The following TMCC1 variants were observed in gnomAD, a reference collection of about 807,000 sequenced individuals.
TMCC1 encodes the protein transmembrane and coiled-coil domains protein 1.
TMCC1 carries 15 observed loss-of-function variants against 52.4 expected under a neutral mutation model. That is an observed-to-expected ratio of 0.29 (90% CI 0.19 to 0.44). The LOEUF (loss-of-function observed/expected upper bound fraction) is 0.44. TMCC1 is among the 20% of genes least tolerant of loss of function. The pLI is 1.00. For synonymous variants in TMCC1, 279 were observed against 301.9 expected, an observed-to-expected ratio of 0.92 and a Z score of 0.79; for missense variants, 503 against 806.0, an observed-to-expected ratio of 0.62 and a Z score of 4.55.
chr3:129,697,325 G>A (rs1378374297), intron 4 of TMCC1, among the ~76,000 whole-genome samples: 2 of 152,192 alleles, frequency 1.3e-5, no homozygotes, highest in African/African-American at 4.8e-5. Flanking sequence ...CCAAAGCCAT[G>A]GCCTGAACTG....
intron 4 of TMCC1, among the ~76,000 whole-genome samples, chr3:129,711,308 C>G (rs1460752608): frequency 1.3e-5 from 2 of 152,160 alleles, no homozygotes; most frequent in African/African-American, 4.8e-5. Context: ...TTGACAGATA[C>G]AGTCTATGTG....
intron 4 of TMCC1, among the ~76,000 whole-genome samples, chr3:129,681,027 T>C (rs1444483786): frequency 6.6e-6 from 1 of 152,120 alleles, no homozygotes; most frequent in African/African-American, 2.4e-5. Context: ...ATAGGAGATA[T>C]GATGATGGTA....
At chr3:129,760,301 C>A (rs530250568) in intron 4 of TMCC1, among the ~76,000 whole-genome samples, 1 of 152,310 alleles carries the variant, frequency 6.6e-6, no homozygotes, top group African/African-American at 2.4e-5. Flanking sequence ...CCTCGAGCTT[C>A]TGGGCTCAAG....
chr3:129,781,969 T>C (rs532239259), intron 4 of TMCC1, among the ~76,000 whole-genome samples: 1 of 152,212 alleles, frequency 6.6e-6, no homozygotes, highest in East Asian at 1.9e-4. Flanking sequence ...GAAAGAGGCA[T>C]CGCAGATAAC....
chr3:129,761,990 C>CAAAAAAAAA (rs1179793010), intron 4 of TMCC1, among the ~76,000 whole-genome samples: 23 of 76,024 alleles, frequency 3.0e-4, no homozygotes, highest in African/African-American at 1.2e-3. Context: ...GACTCTGTCT[C>CAAAAAAAAA]AAAAAAAAAA....
intron 4 of TMCC1, among the ~76,000 whole-genome samples, chr3:129,717,027 T>C (rs761971174): frequency 1.3e-5 from 2 of 152,350 alleles, no homozygotes. Context: ...AATTTTCCCC[T>C]TCAGCATGTA....
intron 4 of TMCC1, among the ~76,000 whole-genome samples, chr3:129,808,684 A>T (rs2057609808): frequency 6.6e-6 from 1 of 151,480 alleles, no homozygotes; most frequent in Non-Finnish European, 1.5e-5. Flanking sequence ...ATATATTTAC[A>T]TTGGCATAAT....
At chr3:129,672,082 G>A (rs753874926) in intron 4 of TMCC1, among the ~76,000 whole-genome samples, 1 of 152,206 alleles carries the variant, frequency 6.6e-6, no homozygotes, top group South Asian at 2.1e-4. Context: ...TCCAAAGCAC[G>A]TATACTTAAT....
At chr3:129,732,480 G>GA (rs1478913541) in intron 4 of TMCC1, among the ~76,000 whole-genome samples, 1 of 152,126 alleles carries the variant, frequency 6.6e-6, no homozygotes, top group African/African-American at 2.4e-5. Flanking sequence ...TCTGCATGCA[G>GA]ACTGCATGAA....
chr3:129,785,990 A>G (rs1392091980), intron 4 of TMCC1, among the ~76,000 whole-genome samples: 1 of 137,566 alleles, frequency 7.3e-6, no homozygotes, highest in African/African-American at 2.8e-5. Flanking sequence ...GATGGAGTAT[A>G]GTGGCGCGAT....
chr3:129,890,314 G>A (rs12494774), intron 1 of TMCC1, among the ~76,000 whole-genome samples: 12,412 of 152,246 alleles, frequency 0.082, 676 homozygotes, highest in East Asian at 0.17. Context: ...GAGAGTGACA[G>A]CTGTTCAGTG....
At chr3:129,830,375 T>C (rs62265587) in intron 3 of TMCC1, among the ~76,000 whole-genome samples, 12,773 of 152,232 alleles carry the variant, frequency 0.084, 728 homozygotes, top group East Asian at 0.2. Flanking sequence ...TAATACAATG[T>C]TACTCTGATT....
At chr3:129,680,428 T>A (rs2088867231) in intron 4 of TMCC1, among the ~76,000 whole-genome samples, 1 of 152,120 alleles carries the variant, frequency 6.6e-6, no homozygotes, top group Admixed American at 6.5e-5. Flanking sequence ...GCCGAAGAAA[T>A]TGAATCAGGA....
intron 4 of TMCC1, among the ~76,000 whole-genome samples, chr3:129,673,689 G>C (rs2088155653): frequency 6.6e-6 from 1 of 152,068 alleles, no homozygotes; most frequent in Non-Finnish European, 1.5e-5. Flanking sequence ...CATCTCTACA[G>C]AAAAATTAAA....
chr3:129,736,524 C>CTTTTT (rs758923804), intron 4 of TMCC1, among the ~76,000 whole-genome samples: 6 of 139,362 alleles, frequency 4.3e-5, no homozygotes, highest in Non-Finnish European at 4.7e-5. Flanking sequence ...ATTTTCTTTT[C>CTTTTT]TTTTTTTTTT....
chr3:129,811,314 G>T (rs2107794932), intron 4 of TMCC1, among the ~76,000 whole-genome samples: 1 of 151,912 alleles, frequency 6.6e-6, no homozygotes, highest in East Asian at 1.9e-4. Context: ...GCCCAGACTG[G>T]ACTGCAGTGG....
chr3:129,713,065 C>T (rs572116457), intron 4 of TMCC1, among the ~76,000 whole-genome samples: 2 of 151,642 alleles, frequency 1.3e-5, no homozygotes, highest in Admixed American at 1.3e-4. Context: ...AGTTCGAGAG[C>T]AGACTGGGCA....
chr3:129,672,656 G>A (rs934936196), intron 4 of TMCC1, among the ~76,000 whole-genome samples: 3 of 152,082 alleles, frequency 2.0e-5, no homozygotes, highest in African/African-American at 2.4e-5. Flanking sequence ...AATGAGTAAT[G>A]AGTAATAAAA....
At chr3:129,733,468 T>C (rs1326298069) in intron 4 of TMCC1, among the ~76,000 whole-genome samples, 1 of 152,200 alleles carries the variant, frequency 6.6e-6, no homozygotes, top group African/African-American at 2.4e-5. Context: ...AGCCTCTTAG[T>C]AGATGTGGGT....
Sources: allele counts gnomAD v4.1 joint callset (sites outside exome capture counted in the v4.1 genomes callset), GRCh38; gene constraint gnomAD v4.1.1; transcripts MANE v1.5; gene names NCBI Gene and HGNC (gene_info 2026-07-23, HGNC 2026-07-21).